Variants in NTRK1 observed in about 807,000 individuals in gnomAD.
NTRK1 encodes the protein neurotrophic receptor tyrosine kinase 1, also known as high affinity nerve growth factor receptor.
A neutral mutation model predicts 86.8 loss-of-function variants in NTRK1; 62 were observed. The observed-to-expected ratio is 0.71, with a 90% CI of 0.58 to 0.88. The LOEUF (loss-of-function observed/expected upper bound fraction) is 0.88. Ranked by LOEUF, NTRK1 falls within the 40% of genes least tolerant of loss-of-function variation. NTRK1 has a pLI of 0.00. For synonymous variants in NTRK1, 469 were observed against 456.6 expected (o/e 1.03, Z -0.35); for missense variants, 967 against 1,078.4 (o/e 0.90, Z 1.45).
intron 1 of NTRK1, chr1:156,841,082 A>G (rs910904078): frequency 6.4e-7 from 1 of 1,565,628 alleles, no homozygotes; most frequent in Non-Finnish European, 8.7e-7. Flanking sequence ...TTCGGCTGCC[A>G]GCAGCGGCTC....
chr1:156,829,260 T>C (rs1201978911), intron 1 of NTRK1, among the ~76,000 whole-genome samples: 1 of 152,116 alleles, frequency 6.6e-6, no homozygotes, highest in South Asian at 2.1e-4. Context: ...ATTCAAGGTC[T>C]AGGGAGAGTG....
intron 1 of NTRK1, 142 bp downstream of exon 1, chr1:156,861,288 C>G (rs1390814609): frequency 1.5e-5 from 14 of 946,524 alleles, no homozygotes; most frequent in Non-Finnish European, 2.1e-5. Context: ...CGGCGCTGCC[C>G]GGGCGTTCCT....
chr1:156,875,960 C>T (rs1647876816), intron 12 of NTRK1, 120 bp from the exon 13 acceptor site: 2 of 1,478,518 alleles, frequency 1.4e-6, no homozygotes, highest in East Asian at 2.3e-5. Context: ...AATTTTAGCC[C>T]CCATGCAGTC....
At chr1:156,851,628 C>T in intron 2 of NTRK1, 2 of 1,614,022 alleles carry the variant, frequency 1.2e-6, no homozygotes, top group Non-Finnish European at 8.5e-7. Flanking sequence ...GGGGTGTGGC[C>T]CCAAAGTAGG....
rs749011592 is a variant in NTRK1, at chr1:156,854,296, GGGGCACACTGT to G, written c.51-10052_51-10042del. The G allele has an allele frequency of 1.2e-6, 2 of 1,609,246 alleles. No homozygotes were observed. The highest frequency in any genetic ancestry group is 1.7e-6 in the Non-Finnish European group (2 of 1,178,034). ...CCACCTCTGAGCGAATATCCAGGCT[GGGGCACACTGT>G]GGGCATACACGGCACGCAGCATTGA... On this transcript the variant is annotated intron_variant, in intron 2 of 16. Transcript: ENST00000392302. The surrounding 1 kb of genome is among the most constrained non-coding windows in gnomAD (Gnocchi z 4.2).
chr1:156,860,384 C>T (rs1009617409), upstream of NTRK1, among the ~76,000 whole-genome samples: 3 of 152,238 alleles, frequency 2.0e-5, no homozygotes, highest in Non-Finnish European at 4.4e-5. Context: ...TGCGATTGAT[C>T]CTTTGGTAGT....
At chr1:156,840,967 C>A in intron 1 of NTRK1, 1 of 1,613,714 alleles carries the variant, frequency 6.2e-7, no homozygotes, top group East Asian at 2.2e-5. Context: ...GCCCCGGGCC[C>A]CCCGGCATTC....
chr1:156,816,243 T>A, intron 1 of NTRK1: 1 of 1,355,582 alleles, frequency 7.4e-7, no homozygotes, highest in Non-Finnish European at 9.8e-7. Flanking sequence ...GGGGAGTTTC[T>A]CAGGCATGAG....
At chr1:156,816,244 C>T in intron 1 of NTRK1, 1 of 1,345,766 alleles carries the variant, frequency 7.4e-7, no homozygotes, top group Non-Finnish European at 9.9e-7. Context: ...GGGAGTTTCT[C>T]AGGCATGAGG....
chr1:156,818,081 T>G (rs779732646), intron 1 of NTRK1, among the ~76,000 whole-genome samples: 1 of 152,106 alleles, frequency 6.6e-6, no homozygotes, highest in Non-Finnish European at 1.5e-5. Context: ...CTCAGAGGAG[T>G]GCCTTGGCCA....
At chr1:156,879,038 C>G (rs2102923623) in intron 14 of NTRK1, 84 bp from the exon 15 acceptor site, 1 of 1,518,816 alleles carries the variant, frequency 6.6e-7, no homozygotes. Flanking sequence ...TCTCCCATCA[C>G]ACGCGGCTGC....
intron 4 of NTRK1, 146 bp downstream of exon 4, chr1:156,867,124 C>A: frequency 1.2e-6 from 1 of 855,224 alleles, no homozygotes; most frequent in Non-Finnish European, 1.9e-6. Context: ...CAGTGAAACC[C>A]CCATCAAAGC....
chr1:156,863,504 T>C (rs1336854297), intron 1 of NTRK1, among the ~76,000 whole-genome samples: 1 of 152,110 alleles, frequency 6.6e-6, no homozygotes, highest in African/African-American at 2.4e-5. Flanking sequence ...TCATTGCTCC[T>C]CTCCTCTTTC....
intron 3 of NTRK1, among the ~76,000 whole-genome samples, chr1:156,866,493 G>A (rs1655935195): frequency 6.6e-6 from 1 of 152,170 alleles, no homozygotes; most frequent in African/African-American, 2.4e-5. Context: ...AGGGGCAAGG[G>A]AGTGGCAGCC....
At chr1:156,876,008 CA>C in intron 12 of NTRK1, 71 bp from the exon 13 acceptor site, 1 of 1,611,584 alleles carries the variant, frequency 6.2e-7, no homozygotes, top group East Asian at 2.2e-5. Context: ...ACAGCCCTGC[CA>C]AGACAGTCCC....
chr1:156,859,206 C>A (rs1372388719), upstream of NTRK1, among the ~76,000 whole-genome samples: 1 of 147,924 alleles, frequency 6.8e-6, no homozygotes, highest in South Asian at 2.3e-4. The surrounding 1 kb of genome is among the most constrained non-coding windows in gnomAD (Gnocchi z 6.2). Context: ...TCCGTTCTCT[C>A]CACCCCTCCC....
rs2102920222 is a variant in NTRK1, at chr1:156,876,583, C to G, written c.1805+11C>G. On this transcript the variant is annotated intron_variant, in intron 14 of 16. Coordinates refer to ENST00000524377, the MANE Select transcript of NTRK1 (RefSeq NM_002529.4). Reference sequence around the variant, plus strand: ...CAACCGCTTCCTCCGGTACCAGCACCTGGCCTCAGCGCTGGCCCCGGCCCC... The same window carrying G: ...CAACCGCTTCCTCCGGTACCAGCACGTGGCCTCAGCGCTGGCCCCGGCCCC... The G allele has an allele frequency of 6.2e-7, 1 of 1,608,272 alleles. No individual in the cohort carries two copies. Among genetic ancestry groups the G allele is most frequent in the South Asian group, 1.1e-5 (1 of 90,258 alleles).
upstream of NTRK1, among the ~76,000 whole-genome samples, chr1:156,858,191 G>A (rs1655477756): frequency 6.6e-6 from 1 of 152,294 alleles, no homozygotes; most frequent in South Asian, 2.1e-4. Context: ...TCCCACCCCT[G>A]CCTCTTCCCA....
rs755016431 is a variant in NTRK1 at position 156,876,484 on chromosome 1, G to T, written c.1717G>T (p.Val573Leu). Reference sequence around the variant, plus strand: ...CACCATGCTGCAGCACCAGCACATCGTGCGCTTCTTCGGCGTCTGCACCGA... The same window carrying T: ...CACCATGCTGCAGCACCAGCACATCTTGCGCTTCTTCGGCGTCTGCACCGA... ...LLTMLQHQHI[V>L]RFFGVCTEGR... The change falls in exon 14 of 17, where the codon GTG (valine) becomes TTG (leucine). Residue 573 changes from valine (V) to leucine (L), a missense_variant. Coordinates refer to ENST00000524377, the MANE Select transcript of NTRK1 (RefSeq NM_002529.4). The T allele has an allele frequency of 6.2e-7, 1 of 1,613,844 alleles. No homozygotes were observed. The highest frequency in any genetic ancestry group is 8.5e-7 in the Non-Finnish European group (1 of 1,180,032).
Sources: gnomAD v4.1 joint callset for allele counts (sites outside exome capture counted in the v4.1 genomes callset) on GRCh38, gnomAD v4.1.1 for gene constraint, Gnocchi (gnomAD v3.1) non-coding constraint, MANE v1.5 for transcripts, NCBI Gene and HGNC (gene_info 2026-07-23, HGNC 2026-07-21) for gene names.